The following CDC27 variants were observed in gnomAD, a reference collection of about 807,000 sequenced individuals.
CDC27 encodes the protein cell division cycle protein 27 homolog.
Under a neutral mutation model 109.7 loss-of-function variants are expected in CDC27, and 27 were observed. That is an observed-to-expected ratio of 0.25 (90% CI 0.18 to 0.34). The LOEUF (loss-of-function observed/expected upper bound fraction) is 0.34. Among genes scored for constraint, CDC27 ranks in the 10% least tolerant of loss-of-function variants. The pLI is 1.00. For missense variants in CDC27, 579 were observed against 960.2 expected (o/e 0.60, Z 5.25); for synonymous variants, 266 against 333.9 (o/e 0.80, Z 2.22).
rs11570535 is a variant in CDC27 at position 47,139,510 on chromosome 17, A to G, written c.1552-619T>C. ...TCTCGATCTCCTGACCTTGTGATCC[A>G]CCCGCCTCGGCCTCCCAAAGTGCTG... On this transcript the variant is annotated intron_variant, in intron 12 of 18. Coordinates refer to ENST00000066544, the MANE Select transcript of CDC27 (RefSeq NM_001256.6). Among the ~76,000 whole-genome samples the G allele has an allele frequency of 7.3e-3, 1,098 of 151,344 alleles. 4 individuals carry two copies. The highest frequency in any genetic ancestry group is 0.017 in the South Asian group (83 of 4,790).
intron 7 of CDC27, among the ~76,000 whole-genome samples, chr17:47,155,381 GATT>G (rs1244559189): frequency 1.3e-5 from 2 of 152,094 alleles, no homozygotes; most frequent in African/African-American, 4.8e-5. Flanking sequence ...AAGTACCTGG[GATT>G]ACACGTATGT....
intron 16 of CDC27, among the ~76,000 whole-genome samples, chr17:47,127,859 C>T (rs978425237): frequency 6.6e-6 from 1 of 151,858 alleles, no homozygotes; most frequent in African/African-American, 2.4e-5. Context: ...CACGTCACCA[C>T]ACCTGGCTAA....
In CDC27 at chr17:47,138,910, G is replaced by GT; in HGVS notation, c.1552-20dup. 1 of 1,519,956 alleles carries GT rather than the reference G, an allele frequency of 6.6e-7. No individual in the cohort carries two copies. Among genetic ancestry groups the GT allele is most frequent in the Non-Finnish European group, 8.9e-7 (1 of 1,121,524 alleles). The allele number at this position is 1,519,956 out of a possible 1,614,324, so 94.2% of individuals were successfully genotyped here. A position where few individuals can be genotyped will look rare whatever the true frequency, so the allele number is the denominator to read the frequency against. On this transcript the variant is annotated intron_variant, in intron 12 of 18. Coordinates refer to ENST00000066544, the MANE Select transcript of CDC27 (RefSeq NM_001256.6). The stretch of plus-strand genomic sequence containing the variant: ...TTTCAGCCTGAAATAAAAAAAACTA[G>GT]TAAGAGAAAACAAGTTGATACAATT...
chr17:47,145,045 T>TA (rs771367384), intron 9 of CDC27, among the ~76,000 whole-genome samples: 7 of 152,274 alleles, frequency 4.6e-5, no homozygotes, highest in East Asian at 1.9e-4. Flanking sequence ...TAATCATCTC[T>TA]AAAAAAACTT....
At chr17:47,163,103 A>G (rs969679434) in intron 4 of CDC27, among the ~76,000 whole-genome samples, 1 of 152,228 alleles carries the variant, frequency 6.6e-6, no homozygotes, top group Admixed American at 6.5e-5. Context: ...AGTTTCCTAA[A>G]GAACTGGCAT....
chr17:47,159,404 G>GTAGCAGTCATCGA (rs1363085427), intron 4 of CDC27: 5 of 997,944 alleles, frequency 5.0e-6, no homozygotes, highest in African/African-American at 1.7e-5. Flanking sequence ...TGGCTGAGGT[G>GTAGCAGTCATCGA]TAGCAGTCAT....
intron 1 of CDC27, 104 bp from the exon 2 acceptor site, chr17:47,181,741 T>G (rs1294306863): frequency 1.7e-6 from 1 of 584,108 alleles, no homozygotes; most frequent in African/African-American, 1.9e-5. Flanking sequence ...TATCCCTAAT[T>G]TAAGTGATAA....
At chr17:47,163,827 C>T (rs138356815) in intron 4 of CDC27, among the ~76,000 whole-genome samples, 18 of 152,262 alleles carry the variant, frequency 1.2e-4, no homozygotes, top group African/African-American at 4.3e-4. Flanking sequence ...TACAATGGCA[C>T]GATCTCAGCT....
rs1330881201 is a variant in CDC27, at chr17:47,160,060, C to T, written c.378-1757G>A. 1.5e-5 allele frequency: 3 copies of T among 204,560 alleles called. No homozygotes were observed. The East Asian group carries it at 5.0e-4, about 34-fold the overall frequency. 12.7% of individuals were successfully genotyped at this position (204,560 alleles called of 1,614,324 possible). On this transcript the variant is annotated intron_variant, in intron 4 of 18. Transcript: ENST00000066544. ...AGGTCTTTTTCCTCCCCTCTCCCCT[C>T]AAGATCTGTTTGTGGAGGATCTGCT...
At chr17:47,171,756 T>C (rs1033427528) in intron 3 of CDC27, among the ~76,000 whole-genome samples, 161 bp downstream of exon 3, 2 of 152,178 alleles carry the variant, frequency 1.3e-5, no homozygotes, top group Non-Finnish European at 2.9e-5. Context: ...ATCTCCATAA[T>C]ATAAATAATG....
chr17:47,139,360 G>A (rs898722686), intron 12 of CDC27, among the ~76,000 whole-genome samples: 15 of 148,208 alleles, frequency 1.0e-4, no homozygotes, highest in Admixed American at 1.4e-4. Flanking sequence ...TCCGCCTCCC[G>A]AGTTCACGCC....
Position 47,189,149 on chromosome 17 carries a change from G to T in CDC27, c.24C>A (p.Val8=), listed in dbSNP as rs1315424673. Residue 8 remains valine (V), a synonymous_variant, in exon 1 of 19, where the codon GTC becomes GTA. Transcript: ENST00000066544. Reference sequence around the variant, plus strand: ...CAGAGAAGAAGGTTATCATTACCTGGACGGGTTCCTGCAGCACCGTCATCC... The same window carrying T: ...CAGAGAAGAAGGTTATCATTACCTGTACGGGTTCCTGCAGCACCGTCATCC... MTVLQEP[V]QAAIWQALNH... is the part of the protein sequence containing the mutation. 6.2e-7 allele frequency: 1 copy of T among 1,613,314 alleles called. No individual in the cohort carries two copies. Among genetic ancestry groups the T allele is most frequent in the African/African-American group, 1.3e-5 (1 of 74,928 alleles).
chr17:47,133,060 T>TAAAC (rs1289369013), intron 14 of CDC27, among the ~76,000 whole-genome samples: 1 of 46,790 alleles, frequency 2.1e-5, no homozygotes, highest in Non-Finnish European at 3.9e-5. Flanking sequence ...CACACATACA[T>TAAAC]ATACACACAC....
intron 4 of CDC27, among the ~76,000 whole-genome samples, chr17:47,158,795 A>G (rs1288735068): frequency 6.6e-6 from 1 of 152,040 alleles, no homozygotes; most frequent in African/African-American, 2.4e-5. Flanking sequence ...ATTTTTGCAT[A>G]TTTTGTAGAG....
intron 14 of CDC27, among the ~76,000 whole-genome samples, chr17:47,135,406 T>A (rs1445702202): frequency 6.7e-6 from 1 of 149,432 alleles, no homozygotes; most frequent in African/African-American, 2.5e-5. Context: ...TGGCCATAAC[T>A]AGATGATGAT....
chr17:47,142,594 ATTTAAT>A (rs1447697993), intron 10 of CDC27, among the ~76,000 whole-genome samples, 158 bp from the exon 11 acceptor site: 1 of 152,178 alleles, frequency 6.6e-6, no homozygotes, highest in East Asian at 1.9e-4. Flanking sequence ...CTTCAAAGTC[ATTTAAT>A]TTTAAACACA....
chr17:47,131,118 T>C (rs1456388608), intron 15 of CDC27, among the ~76,000 whole-genome samples: 1 of 152,042 alleles, frequency 6.6e-6, no homozygotes, highest in East Asian at 1.9e-4. Flanking sequence ...TTTCTTCAAA[T>C]AAACCACTCA....
intron 14 of CDC27, among the ~76,000 whole-genome samples, chr17:47,133,014 T>TATATAC (rs1568373776): frequency 1.8e-4 from 8 of 45,390 alleles, no homozygotes; most frequent in Middle Eastern, 0.017. Flanking sequence ...TATATATATA[T>TATATAC]ATATATATAT....
At chr17:47,130,608 C>T (rs1046936112) in intron 15 of CDC27, among the ~76,000 whole-genome samples, 4 of 152,154 alleles carry the variant, frequency 2.6e-5, no homozygotes, top group African/African-American at 7.2e-5. Context: ...GGCCCGGTGG[C>T]TCACGCCTGT....
Sources: allele counts gnomAD v4.1 joint callset (sites outside exome capture counted in the v4.1 genomes callset), GRCh38; gene constraint gnomAD v4.1.1; transcripts MANE v1.5; gene names NCBI Gene and HGNC (gene_info 2026-07-23, HGNC 2026-07-21).